The following ANKRD44 variants were observed in gnomAD, a reference collection of about 807,000 sequenced individuals.
ANKRD44 encodes serine/threonine-protein phosphatase 6 regulatory ankyrin repeat subunit B.
A neutral mutation model predicts 116.0 loss-of-function variants in ANKRD44; 35 were observed. That is an observed-to-expected ratio of 0.30 (90% CI 0.23 to 0.40). ANKRD44 has a LOEUF of 0.40. Ranked by LOEUF, ANKRD44 falls within the 10% of genes least tolerant of loss-of-function variation. ANKRD44 has a pLI of 1.00. For missense variants in ANKRD44, 1,014 were observed against 1,242.6 expected (o/e 0.82, Z 2.77); for synonymous variants, 435 against 461.8 (o/e 0.94, Z 0.74).
chr2:197,184,737 T>C (rs17388610), intron 2 of ANKRD44, among the ~76,000 whole-genome samples: 22,654 of 151,946 alleles, frequency 0.15, 2,016 homozygotes, highest in Non-Finnish European at 0.2. Context: ...GTGGTGATCT[T>C]AGAGGCCACA....
At chr2:197,089,872 A>T in intron 11 of ANKRD44, 78 bp downstream of exon 11, 1 of 1,290,744 alleles carries the variant, frequency 7.7e-7, no homozygotes, top group Non-Finnish European at 1.1e-6. Flanking sequence ...GCAGCCACTC[A>T]CTCTGACCAG....
At chr2:196,973,482 C>T (rs902682557) in intron 21 of ANKRD44, among the ~76,000 whole-genome samples, 55 of 152,064 alleles carry the variant, frequency 3.6e-4, no homozygotes, top group Non-Finnish European at 2.4e-4. Flanking sequence ...CTTCTGCTTA[C>T]AGTATCTCCC....
Position 197,121,454 on chromosome 2 carries a change from C to A in ANKRD44, c.784G>T (p.Gly262Cys), listed in dbSNP as rs138806991. The change falls in exon 8 of 28, where the codon GGT (glycine) becomes TGT (cysteine). Residue 262 changes from glycine to cysteine, a missense_variant. By Grantham distance (159) the Gly-to-Cys change is radical. Transcript: ENST00000282272. Reference sequence around the variant, plus strand: ...TTGTTTGGCTGGTTCACGTTAGCACCGTAGTCAATCAACTCGTTAACCACA... The same window carrying A: ...TTGTTTGGCTGGTTCACGTTAGCACAGTAGTCAATCAACTCGTTAACCACA... ...DAVVNELIDYGANVNQPNNNG... is the reference protein window; with the variant it reads ...DAVVNELIDYCANVNQPNNNG... The A allele has an allele frequency of 9.9e-6, 16 of 1,614,046 alleles. No individual in the cohort carries two copies. Among genetic ancestry groups the A allele is most frequent in the Non-Finnish European group, 1.4e-5 (16 of 1,180,036 alleles).
chr2:197,084,618 G>T (rs1260905362), intron 13 of ANKRD44, among the ~76,000 whole-genome samples: 1 of 152,132 alleles, frequency 6.6e-6, no homozygotes, highest in South Asian at 2.1e-4. Context: ...TCTGGGTCTT[G>T]ACTTCTTCAC....
At chr2:197,254,286 G>A (rs1161069948) in intron 1 of ANKRD44, among the ~76,000 whole-genome samples, 4 of 152,014 alleles carry the variant, frequency 2.6e-5, no homozygotes, top group African/African-American at 9.7e-5. Flanking sequence ...CCAGCTGCTC[G>A]GGAGGCTGAG....
chr2:196,984,065 T>C (rs985266068), downstream of ANKRD44, among the ~76,000 whole-genome samples: 3 of 152,358 alleles, frequency 2.0e-5, no homozygotes, highest in East Asian at 1.9e-4. Context: ...TCTGAGGGCA[T>C]ATAAAGTATG....
intron 1 of ANKRD44, among the ~76,000 whole-genome samples, chr2:197,255,505 T>G (rs1028117286): frequency 3.3e-5 from 5 of 152,272 alleles, no homozygotes; most frequent in Non-Finnish European, 7.3e-5. Context: ...AAGCTAGGTA[T>G]CCCTTCTTTT....
At chr2:197,181,628 G>T (rs562691207) in intron 2 of ANKRD44, among the ~76,000 whole-genome samples, 1 of 152,314 alleles carries the variant, frequency 6.6e-6, no homozygotes, top group African/African-American at 2.4e-5. Context: ...CATTAGCAAT[G>T]TTGGCCAGGG....
chr2:197,029,093 T>C (rs1217188163), intron 16 of ANKRD44, among the ~76,000 whole-genome samples: 1 of 152,118 alleles, frequency 6.6e-6, no homozygotes, highest in African/African-American at 2.4e-5. Flanking sequence ...ACTCGTCATT[T>C]ACATTAGGTA....
intron 2 of ANKRD44, among the ~76,000 whole-genome samples, chr2:197,166,670 G>GGGTAGGAATTA (rs59143953): frequency 6.6e-6 from 1 of 152,116 alleles, no homozygotes; most frequent in Admixed American, 6.5e-5. Context: ...TGCTCAGAAT[G>GGGTAGGAATTA]GGATATCCCC....
At chr2:197,098,150 G>T (rs1317972724) in intron 10 of ANKRD44, among the ~76,000 whole-genome samples, 1 of 152,052 alleles carries the variant, frequency 6.6e-6, no homozygotes, top group South Asian at 2.1e-4. Flanking sequence ...CTCTCACTCT[G>T]TTCCCACAGC....
chr2:197,217,763 T>C lies in ANKRD44; in HGVS notation c.28-30657A>G, dbSNP rs567108173. On this transcript the variant is annotated intron_variant, in intron 1 of 27. Transcript: ENST00000282272. The stretch of plus-strand genomic sequence containing the variant: ...AGAGCCTCATTTAACAACTGTGGGA[T>C]CCAGGTTTTCTCATCCGTTAAATGA... 1.1e-3 allele frequency among the ~76,000 whole-genome samples: 167 copies of C among 152,288 alleles called. 1 individual carries two copies. The highest frequency in any genetic ancestry group is 3.7e-3 in the African/African-American group (154 of 41,568).
At chr2:196,968,108 C>T (rs560502575) in intron 21 of ANKRD44, among the ~76,000 whole-genome samples, 9 of 152,274 alleles carry the variant, frequency 5.9e-5, no homozygotes, top group Admixed American at 2.6e-4. Flanking sequence ...TGTAAATTAC[C>T]CAGCCTCAGA....
chr2:197,146,943 TG>T, intron 3 of ANKRD44, 83 bp downstream of exon 3: 1 of 1,173,476 alleles, frequency 8.5e-7, no homozygotes, highest in Non-Finnish European at 1.2e-6. Flanking sequence ...GAATTTTGCT[TG>T]GGTTCACTGT....
chr2:197,015,590 A>C, intron 17 of ANKRD44: 1 of 532,400 alleles, frequency 1.9e-6, no homozygotes, highest in Non-Finnish European at 3.4e-6. Context: ...GGAGGAAGTA[A>C]TTTTGGCTGT....
At position 196,989,625 on chromosome 2, in the gene ANKRD44, G is replaced by A. The variant is rs1225954022; in HGVS notation, c.2948C>T (p.Ser983Phe). Residue 983 changes from serine (S) to phenylalanine (F), a missense_variant, in exon 28 of 28, where the codon TCC becomes TTC. Physicochemically the swap from Ser to Phe is radical, Grantham distance 155 (BLOSUM62 -2). Coordinates refer to ENST00000282272, the MANE Select transcript of ANKRD44 (RefSeq NM_001195144.2). ...ENASRSNGPR[S>F]TPGTAVQKEE is the part of the protein sequence containing the mutation. ...TTTTTGTACAGCGGTTCCAGGTGTG[G>A]AACGGGGTCCATTTGACCTAGAAGC... 4.5e-6 allele frequency: 7 copies of A among 1,550,126 alleles called. No individual in the cohort carries two copies. The Admixed American group carries it at 7.8e-5, about 17-fold the overall frequency.
intron 1 of ANKRD44, among the ~76,000 whole-genome samples, chr2:197,289,740 G>A (rs2105869184): frequency 6.6e-6 from 1 of 152,216 alleles, no homozygotes; most frequent in Non-Finnish European, 1.5e-5. Flanking sequence ...AACTCTTTGG[G>A]GGTGATAGAA....
At chr2:197,069,214 C>G (rs1387822102) in intron 16 of ANKRD44, among the ~76,000 whole-genome samples, 1 of 151,998 alleles carries the variant, frequency 6.6e-6, no homozygotes, top group Non-Finnish European at 1.5e-5. Flanking sequence ...AAACCAAACA[C>G]TGCATGTTCT....
chr2:196,982,108 T>TTATATATATATATATATATATATA (rs58816698), downstream of ANKRD44, among the ~76,000 whole-genome samples: 1,404 of 96,232 alleles, frequency 0.015, 41 homozygotes, highest in Non-Finnish European at 0.02. Flanking sequence ...CTAAAAAAAA[T>TTATATATATATATATATATATATA]TATATATATA....
Sources: allele counts gnomAD v4.1 joint callset (sites outside exome capture counted in the v4.1 genomes callset), GRCh38; gene constraint gnomAD v4.1.1; transcripts MANE v1.5; gene names NCBI Gene and HGNC (gene_info 2026-07-23, HGNC 2026-07-21).